Variants in FSTL4 observed in about 807,000 individuals in gnomAD.
FSTL4 encodes the protein follistatin like 4, also known as follistatin-related protein 4.
FSTL4 carries 28 observed loss-of-function variants against 78.2 expected under a neutral mutation model. That is an observed-to-expected ratio of 0.36 (90% CI 0.27 to 0.49). The LOEUF (loss-of-function observed/expected upper bound fraction) is 0.49. Among genes scored for constraint, FSTL4 ranks in the 20% least tolerant of loss-of-function variants. FSTL4 has a pLI of 0.98. For synonymous variants in FSTL4, 422 were observed against 440.5 expected, an observed-to-expected ratio of 0.96 and a Z score of 0.53; for missense variants, 922 against 1,084.9, an observed-to-expected ratio of 0.85 and a Z score of 2.11.
At chr5:133,549,011 T>C (rs1391093536) in intron 3 of FSTL4, among the ~76,000 whole-genome samples, 1 of 152,202 alleles carries the variant, frequency 6.6e-6, no homozygotes, top group East Asian at 1.9e-4. Flanking sequence ...TTTTTCTCTC[T>C]AGCTACTTTG....
At chr5:133,386,173 C>T (rs1024390613) in intron 4 of FSTL4, among the ~76,000 whole-genome samples, 2 of 152,162 alleles carry the variant, frequency 1.3e-5, no homozygotes, top group Admixed American at 1.3e-4. Flanking sequence ...GAATGCTCAG[C>T]CTTGGACCTG....
In FSTL4 at chr5:133,598,256, C is replaced by CTT. The variant is rs1230965210; in HGVS notation, c.126+5600_126+5601dup. On this transcript the variant is annotated intron_variant, in intron 2 of 15. Transcript: ENST00000265342. ...GAGGAGGCAGGGGGCTCCTCTAAGG[C>CTT]TTTTCTTCCCAGTGTCCCCCAGGAT... is the stretch of plus-strand genomic sequence containing the variant. Among the ~76,000 whole-genome samples the CTT allele has an allele frequency of 2.6e-5, 4 of 152,052 alleles. No individual in the cohort carries two copies. The East Asian group carries it at 7.7e-4, about 29-fold the overall frequency.
At chr5:133,250,040 C>T (rs993225518) in intron 6 of FSTL4, among the ~76,000 whole-genome samples, 6 of 152,212 alleles carry the variant, frequency 3.9e-5, no homozygotes, top group African/African-American at 1.4e-4. Flanking sequence ...AAAGGTTGCG[C>T]TGTCTGAAGT....
At chr5:133,238,684 C>T (rs902579693) in intron 7 of FSTL4, among the ~76,000 whole-genome samples, 1 of 152,246 alleles carries the variant, frequency 6.6e-6, no homozygotes, top group African/African-American at 2.4e-5. Flanking sequence ...TACATGGACA[C>T]GTGGTACACA....
chr5:133,485,433 G>A (rs1286088938), intron 3 of FSTL4, among the ~76,000 whole-genome samples: 1 of 152,188 alleles, frequency 6.6e-6, no homozygotes, highest in African/African-American at 2.4e-5. Context: ...AGCCTGTGTT[G>A]GCAACAGCTG....
intron 3 of FSTL4, among the ~76,000 whole-genome samples, chr5:133,557,277 C>A (rs916590806): frequency 1.2e-4 from 18 of 152,224 alleles, no homozygotes; most frequent in Admixed American, 8.5e-4. Context: ...GCACCTCCCC[C>A]CTGAAACGCT....
chr5:133,385,849 C>T lies in FSTL4; in HGVS notation c.409+14889G>A, dbSNP rs192770904. 2.6e-3 allele frequency among the ~76,000 whole-genome samples: 392 copies of T among 152,302 alleles called. 4 individuals are homozygous for T. The highest frequency in any genetic ancestry group is 1.5e-3 in the Non-Finnish European group (103 of 68,018). On this transcript the variant is annotated intron_variant, in intron 4 of 15. Coordinates refer to ENST00000265342, the MANE Select transcript of FSTL4 (RefSeq NM_015082.2). Reference sequence around the variant, plus strand: ...ACAACACGGGCACATGTCAGCTACACGTGCAGAAAGTTGCCTTCAGAACAC... The same window carrying T: ...ACAACACGGGCACATGTCAGCTACATGTGCAGAAAGTTGCCTTCAGAACAC...
At chr5:133,760,502 C>G in the FSTL4 span, among the ~76,000 whole-genome samples, 25 of 152,300 alleles carry the variant, frequency 1.6e-4, no homozygotes, top group Non-Finnish European at 3.2e-4. Context: ...GCCTTCTCAC[C>G]TGACCTGGAG....
At chr5:133,735,322 G>A in the FSTL4 span, among the ~76,000 whole-genome samples, 3 of 152,152 alleles carry the variant, frequency 2.0e-5, no homozygotes, top group Non-Finnish European at 2.9e-5. Flanking sequence ...AATTAGCTGG[G>A]CATGGTGGTG....
At chr5:133,547,096 T>C (rs1054467222) in intron 3 of FSTL4, among the ~76,000 whole-genome samples, 1 of 152,192 alleles carries the variant, frequency 6.6e-6, no homozygotes, top group Non-Finnish European at 1.5e-5. Context: ...AGCTACAGCA[T>C]GCAACACCAT....
chr5:133,796,909 C>T, the FSTL4 span, among the ~76,000 whole-genome samples: 1 of 152,104 alleles, frequency 6.6e-6, no homozygotes, highest in Non-Finnish European at 1.5e-5. Flanking sequence ...GCCAGATTCA[C>T]CAAGTCAAAA....
intron 3 of FSTL4, among the ~76,000 whole-genome samples, chr5:133,546,792 C>G (rs189701225): frequency 6.6e-6 from 1 of 152,134 alleles, no homozygotes; most frequent in Non-Finnish European, 1.5e-5. Context: ...CACATTCCAG[C>G]GTAGCACTCC....
chr5:133,617,955 G>T, the FSTL4 span, among the ~76,000 whole-genome samples: 2 of 152,134 alleles, frequency 1.3e-5, no homozygotes, highest in African/African-American at 4.8e-5. Flanking sequence ...GCAAAGAGTT[G>T]CAGAAGAAGG....
intron 6 of FSTL4, among the ~76,000 whole-genome samples, chr5:133,276,387 C>T (rs888814205): frequency 4.6e-5 from 7 of 152,218 alleles, no homozygotes; most frequent in East Asian, 1.9e-4. Context: ...CTGTCCCGCC[C>T]TGGCCTCCCT....
At chr5:133,255,929 C>A (rs185383993) in intron 6 of FSTL4, among the ~76,000 whole-genome samples, 1 of 152,332 alleles carries the variant, frequency 6.6e-6, no homozygotes, top group Admixed American at 6.5e-5. Context: ...AACCCATCAG[C>A]ACCCTCTCAA....
chr5:133,547,227 C>T (rs1759595564), intron 3 of FSTL4, among the ~76,000 whole-genome samples: 1 of 132,350 alleles, frequency 7.6e-6, no homozygotes, highest in Middle Eastern at 3.4e-3. Flanking sequence ...TTTCTTCTTG[C>T]CTGTCTGTCT....
the FSTL4 span, among the ~76,000 whole-genome samples, chr5:133,644,338 C>T: frequency 3.3e-5 from 5 of 151,812 alleles, no homozygotes; most frequent in Admixed American, 2.0e-4. Context: ...TTTAACCCTG[C>T]GGCAGGGGCA....
At chr5:133,547,743 C>G (rs1432022510) in intron 3 of FSTL4, among the ~76,000 whole-genome samples, 1 of 152,138 alleles carries the variant, frequency 6.6e-6, no homozygotes, top group Non-Finnish European at 1.5e-5. Context: ...GCATGAGACC[C>G]TCACCAGAAG....
the FSTL4 span, among the ~76,000 whole-genome samples, chr5:133,776,289 C>T: frequency 2.6e-5 from 4 of 152,170 alleles, no homozygotes; most frequent in Non-Finnish European, 5.9e-5. Context: ...TCCCAAGCTG[C>T]CTTTATGCCA....
Sources: allele counts gnomAD v4.1 joint callset (sites outside exome capture counted in the v4.1 genomes callset), GRCh38; gene constraint gnomAD v4.1.1; transcripts MANE v1.5; gene names NCBI Gene and HGNC (gene_info 2026-07-23, HGNC 2026-07-21).